PTPRN2: variants seen among roughly 807,000 people sequenced by gnomAD.
The protein encoded by PTPRN2 is receptor-type tyrosine-protein phosphatase N2.
Under a neutral mutation model 118.8 loss-of-function variants are expected in PTPRN2, and 74 were observed. The ratio of observed to expected loss-of-function variants is 0.62; its 90% confidence interval spans 0.52 to 0.76. The LOEUF (loss-of-function observed/expected upper bound fraction) is 0.76. PTPRN2 is among the 30% of genes least tolerant of loss of function. The probability of loss-of-function intolerance (pLI) is 0.00; values close to 1 mark genes in which losing one functional copy is unlikely to be tolerated. For synonymous variants in PTPRN2, 641 were observed against 608.0 expected, an observed-to-expected ratio of 1.05 and a Z score of -0.80; for missense variants, 1,481 against 1,394.4, an observed-to-expected ratio of 1.06 and a Z score of -0.99.
At chr7:158,138,599 G>T (rs1452693578) in intron 6 of PTPRN2, 84 bp from the exon 7 acceptor site, 4 of 1,309,830 alleles carry the variant, frequency 3.1e-6, no homozygotes, top group Non-Finnish European at 4.2e-6. Context: ...GGTGTGGTGG[G>T]CGTCTGCGGC....
chr7:157,823,601 T>G (rs574578799), intron 12 of PTPRN2, among the ~76,000 whole-genome samples: 1 of 152,348 alleles, frequency 6.6e-6, no homozygotes, highest in African/African-American at 2.4e-5. Flanking sequence ...GATGTTCTGG[T>G]TTGGAAGTTG....
intron 1 of PTPRN2, among the ~76,000 whole-genome samples, chr7:158,578,981 T>G (rs934082159): frequency 6.6e-6 from 1 of 152,194 alleles, no homozygotes; most frequent in African/African-American, 2.4e-5. Flanking sequence ...CAGGCTGGTC[T>G]CGAACTCCTG....
At chr7:157,691,941 G>A (rs1317706406) in intron 12 of PTPRN2, among the ~76,000 whole-genome samples, 1 of 152,066 alleles carries the variant, frequency 6.6e-6, no homozygotes, top group African/African-American at 2.4e-5. Flanking sequence ...GCACCCCGGT[G>A]CGCGGCGCCC....
At chr7:158,440,888 AGGTGGTGGTGGT>A (rs1364137242) in intron 2 of PTPRN2, among the ~76,000 whole-genome samples, 1 of 81,590 alleles carries the variant, frequency 1.2e-5, no homozygotes, top group African/African-American at 4.6e-5. Flanking sequence ...GTGGTGGTGA[AGGTGGTGGTGGT>A]GACGGTGATG....
At chr7:158,213,252 G>GGC (rs1433149271) in intron 3 of PTPRN2, among the ~76,000 whole-genome samples, 1 of 147,320 alleles carries the variant, frequency 6.8e-6, no homozygotes, top group Non-Finnish European at 1.5e-5. Flanking sequence ...GTGTGTGTGT[G>GGC]GCGTAGGAAG....
chr7:158,356,140 G>A (rs1808368058), intron 2 of PTPRN2, among the ~76,000 whole-genome samples: 1 of 152,084 alleles, frequency 6.6e-6, no homozygotes, highest in African/African-American at 2.4e-5. Flanking sequence ...TTCACAGTTG[G>A]GATAAAGGAC....
At chr7:158,440,690 G>C (rs936557532) in intron 2 of PTPRN2, among the ~76,000 whole-genome samples, 7 of 150,252 alleles carry the variant, frequency 4.7e-5, no homozygotes, top group African/African-American at 1.7e-4. Flanking sequence ...TGGTGGTGGT[G>C]ATGGTGATAG....
At chr7:158,541,847 C>T in intron 1 of PTPRN2, 1 of 591,392 alleles carries the variant, frequency 1.7e-6, no homozygotes, top group Non-Finnish European at 2.1e-6. Context: ...GCATGCGCAT[C>T]ACACCTGCTT....
intron 11 of PTPRN2, among the ~76,000 whole-genome samples, chr7:157,971,915 A>C (rs1802361324): frequency 6.6e-6 from 1 of 152,260 alleles, no homozygotes; most frequent in South Asian, 2.1e-4. Context: ...CACTCCAGTG[A>C]AAGAAAAGAG....
chr7:158,113,367 T>G (rs894394226), intron 9 of PTPRN2, among the ~76,000 whole-genome samples: 3 of 152,034 alleles, frequency 2.0e-5, no homozygotes, highest in Non-Finnish European at 2.9e-5. Context: ...GAGGGGCAGT[T>G]TCTGTTAAGC....
intron 1 of PTPRN2, among the ~76,000 whole-genome samples, chr7:158,495,431 G>A (rs1821761191): frequency 6.6e-6 from 1 of 152,108 alleles, no homozygotes; most frequent in African/African-American, 2.4e-5. Context: ...ACCTGGCAAA[G>A]CCTCCCTTCT....
chr7:158,292,994 G>C (rs1466662558), intron 3 of PTPRN2, among the ~76,000 whole-genome samples: 2 of 152,126 alleles, frequency 1.3e-5, no homozygotes, highest in Non-Finnish European at 2.9e-5. Context: ...CTTGAACCAC[G>C]GAGGCAGAGG....
At chr7:158,344,271 GCTGTC>G (rs1277273680) in intron 2 of PTPRN2, among the ~76,000 whole-genome samples, 2 of 152,118 alleles carry the variant, frequency 1.3e-5, no homozygotes, top group African/African-American at 2.4e-5. Flanking sequence ...CTCGGGAAGA[GCTGTC>G]TTCAGCAGGA....
intron 14 of PTPRN2, among the ~76,000 whole-genome samples, chr7:157,643,353 A>G (rs1336026353): frequency 1.3e-5 from 2 of 152,380 alleles, no homozygotes; most frequent in African/African-American, 4.8e-5. Context: ...AGCAAATCAG[A>G]TTTTTAAAAA....
At position 157,949,364 on chromosome 7, in the gene PTPRN2, A is replaced by G. The variant is rs74908125; in HGVS notation, c.1724-50627T>C. Among the ~76,000 whole-genome samples the G allele has an allele frequency of 2.1e-3, 324 of 152,388 alleles. 13 individuals are homozygous for G. The East Asian group carries it at 0.056, about 26-fold the overall frequency. On this transcript the variant is annotated intron_variant, in intron 11 of 22. Transcript: ENST00000389418. ...GTTAATTTTATCTCAATTTTTTAAA[A>G]AGACTCCCTCAATTTAGTTTTGTTT...
intron 12 of PTPRN2, among the ~76,000 whole-genome samples, chr7:157,694,865 A>C (rs2150844890): frequency 6.6e-6 from 1 of 152,222 alleles, no homozygotes; most frequent in African/African-American, 2.4e-5. Flanking sequence ...TTTAAACATG[A>C]CACAAAATAT....
At chr7:158,248,189 C>T (rs1390986875) in intron 3 of PTPRN2, among the ~76,000 whole-genome samples, 7 of 152,142 alleles carry the variant, frequency 4.6e-5, no homozygotes, top group South Asian at 2.1e-4. Context: ...CTTCCAGGAG[C>T]GGCCCCACCC....
intron 12 of PTPRN2, chr7:157,857,548 G>C (rs1809808650): frequency 6.6e-6 from 1 of 152,294 alleles, no homozygotes; most frequent in Non-Finnish European, 1.5e-5. Flanking sequence ...ACTCATGCCA[G>C]GTGAGGCTCC....
intron 12 of PTPRN2, among the ~76,000 whole-genome samples, chr7:157,685,936 C>T (rs1548668): frequency 0.16 from 23,582 of 152,076 alleles, 2,308 homozygotes; most frequent in Non-Finnish European, 0.22. Context: ...CGCCCCAGGC[C>T]CACCTCCCCG....
Sources: gnomAD v4.1 joint callset for allele counts (sites outside exome capture counted in the v4.1 genomes callset) on GRCh38, gnomAD v4.1.1 for gene constraint, MANE v1.5 for transcripts, NCBI Gene and HGNC (gene_info 2026-07-23, HGNC 2026-07-21) for gene names.